Variants in PLCB1 observed in about 807,000 individuals in gnomAD.
PLCB1 encodes the protein phospholipase C beta 1, also known as 1-phosphatidylinositol 4,5-bisphosphate phosphodiesterase beta-1.
Under a neutral mutation model 161.8 loss-of-function variants are expected in PLCB1, and 46 were observed. That is an observed-to-expected ratio of 0.28 (90% confidence interval 0.22 to 0.36). The LOEUF (loss-of-function observed/expected upper bound fraction) is 0.36. PLCB1 is among the 10% of genes least tolerant of loss of function. The probability of loss-of-function intolerance (pLI) is 1.00; values close to 1 mark genes in which losing one functional copy is unlikely to be tolerated. For missense variants in PLCB1, 1,016 were observed against 1,472.5 expected (o/e 0.69, Z 5.07); for synonymous variants, 517 against 503.7 (o/e 1.03, Z -0.35).
chr20:8,562,894 A>G (rs570419235), intron 3 of PLCB1, among the ~76,000 whole-genome samples: 9 of 152,192 alleles, frequency 5.9e-5, no homozygotes, highest in South Asian at 2.1e-4. Context: ...GGAAAAGTAC[A>G]TAACTGAGGT....
intron 3 of PLCB1, among the ~76,000 whole-genome samples, chr20:8,453,441 G>C (rs146305020): frequency 7.1e-4 from 108 of 152,334 alleles, no homozygotes; most frequent in African/African-American, 2.6e-3. Context: ...AGTTTCCTAT[G>C]ATGGGGCTAA....
chr20:8,196,894 C>G (rs1243545677), intron 2 of PLCB1, among the ~76,000 whole-genome samples: 1 of 151,864 alleles, frequency 6.6e-6, no homozygotes, highest in Non-Finnish European at 1.5e-5. Flanking sequence ...GTTCAATTCC[C>G]ACCTGTGAGT....
chr20:8,790,371 C>A (rs532740765), intron 31 of PLCB1, 110 bp downstream of exon 31: 2 of 726,198 alleles, frequency 2.8e-6, no homozygotes, highest in Non-Finnish European at 4.6e-6. Flanking sequence ...CAGATCAGTT[C>A]TTGCATATGA....
chr20:8,642,193 A>C (rs1988978356), intron 4 of PLCB1, among the ~76,000 whole-genome samples: 1 of 152,128 alleles, frequency 6.6e-6, no homozygotes, highest in Admixed American at 6.5e-5. Flanking sequence ...TTTTGGTATA[A>C]GATAAAAACG....
intron 9 of PLCB1, among the ~76,000 whole-genome samples, chr20:8,663,774 T>G (rs1989743432): frequency 6.6e-6 from 1 of 152,120 alleles, no homozygotes; most frequent in Admixed American, 6.6e-5. Flanking sequence ...CAGCAAAAGT[T>G]TTTTCCTTTC....
chr20:8,810,510 T>G (rs1397139712), intron 31 of PLCB1, among the ~76,000 whole-genome samples: 3 of 152,170 alleles, frequency 2.0e-5, no homozygotes. Flanking sequence ...GAAATTTATG[T>G]GCCCCCAAAT....
chr20:8,257,996 A>G (rs1436819877), intron 2 of PLCB1, among the ~76,000 whole-genome samples: 1 of 152,144 alleles, frequency 6.6e-6, no homozygotes, highest in Non-Finnish European at 1.5e-5. Flanking sequence ...CTAATATATA[A>G]TTTTGTGAAG....
intron 3 of PLCB1, among the ~76,000 whole-genome samples, chr20:8,495,394 T>C (rs1453221569): frequency 3.1e-5 from 1 of 32,726 alleles, no homozygotes; most frequent in African/African-American, 6.7e-5. Flanking sequence ...CTTTCTTTTT[T>C]TTTTTTTTTT....
At position 8,835,002 on chromosome 20, in the gene PLCB1, G is replaced by A. The variant is rs6056195; in HGVS notation, c.3423+44741G>A. On this transcript the variant is annotated intron_variant, in intron 31 of 31. Transcript: ENST00000338037. ...TAGGGAGGGTAATCTGCTTTGCTCA[G>A]GCTACTGATTTAAATGCTAATCTCA... 2.8e-3 allele frequency among the ~76,000 whole-genome samples: 425 copies of A among 152,122 alleles called. 3 individuals carry two copies. Among genetic ancestry groups the A allele is most frequent in the African/African-American group, 9.1e-3 (379 of 41,486 alleles).
intron 3 of PLCB1, among the ~76,000 whole-genome samples, chr20:8,439,974 G>A (rs1980481988): frequency 6.6e-6 from 1 of 152,074 alleles, no homozygotes; most frequent in African/African-American, 2.4e-5. Flanking sequence ...GTGGATGCAT[G>A]TATATTATCT....
At chr20:8,755,570 T>C (rs1981695481) in intron 23 of PLCB1, among the ~76,000 whole-genome samples, 1 of 152,190 alleles carries the variant, frequency 6.6e-6, no homozygotes, top group Non-Finnish European at 1.5e-5. Flanking sequence ...TCAACAAACA[T>C]TTTTAAACTG....
chr20:8,586,375 A>G (rs1568518662), intron 3 of PLCB1, among the ~76,000 whole-genome samples: 1 of 151,828 alleles, frequency 6.6e-6, no homozygotes, highest in African/African-American at 2.4e-5. Context: ...TTTGCCTAAA[A>G]AGCGTCATCT....
At chr20:8,640,822 G>T (rs1281012059) in intron 4 of PLCB1, among the ~76,000 whole-genome samples, 1 of 152,094 alleles carries the variant, frequency 6.6e-6, no homozygotes, top group African/African-American at 2.4e-5. Flanking sequence ...ACATCTCTCC[G>T]TTCTTCTACT....
rs1030751512 is a variant in PLCB1, at chr20:8,313,606, A to G, written c.178-57776A>G. 5.3e-5 allele frequency among the ~76,000 whole-genome samples: 8 copies of G among 152,310 alleles called. No individual in the cohort carries two copies. In the East Asian group the frequency reaches 9.6e-4, roughly 18 times the overall value. ...GACACATTGAGAAAATCTACCTTAT[A>G]CAAGAATATACATACATAGGAAATT... On this transcript the variant is annotated intron_variant, in intron 2 of 31. Transcript: ENST00000338037.
At chr20:8,575,062 A>T (rs1986634368) in intron 3 of PLCB1, among the ~76,000 whole-genome samples, 1 of 152,214 alleles carries the variant, frequency 6.6e-6, no homozygotes, top group South Asian at 2.1e-4. Context: ...TTAGGAAATC[A>T]TCCATTTAGT....
chr20:8,521,354 T>C (rs1984341933), intron 3 of PLCB1, among the ~76,000 whole-genome samples: 1 of 151,612 alleles, frequency 6.6e-6, no homozygotes, highest in South Asian at 2.1e-4. Flanking sequence ...GTAAAGGTAT[T>C]GAGGGCCTAC....
At chr20:8,604,216 G>C (rs1183302312) in intron 3 of PLCB1, among the ~76,000 whole-genome samples, 3 of 121,812 alleles carry the variant, frequency 2.5e-5, no homozygotes, top group African/African-American at 3.2e-5. Context: ...TCATACCACT[G>C]CACTCCAGCC....
At chr20:8,539,693 TTTCCTTC>T (rs1985226439) in intron 3 of PLCB1, among the ~76,000 whole-genome samples, 10 of 101,060 alleles carry the variant, frequency 9.9e-5, no homozygotes, top group South Asian at 3.9e-4. Flanking sequence ...TCTTTTTCTT[TTTCCTTC>T]CTTCCTTCCT....
At chr20:8,455,432 C>CTCTTTTTTTTT (rs1365729968) in intron 3 of PLCB1, among the ~76,000 whole-genome samples, 4 of 74,166 alleles carry the variant, frequency 5.4e-5, no homozygotes, top group African/African-American at 2.6e-4. Context: ...TATTCTTCCT[C>CTCTTTTTTTTT]TTTTTTTTTT....
Sources: gnomAD v4.1 joint callset for allele counts (sites outside exome capture counted in the v4.1 genomes callset) on GRCh38, gnomAD v4.1.1 for gene constraint, MANE v1.5 for transcripts, NCBI Gene and HGNC (gene_info 2026-07-23, HGNC 2026-07-21) for gene names.